FGD4: variants seen among roughly 807,000 people sequenced by gnomAD.
FGD4 encodes FYVE, RhoGEF and PH domain containing 4, also known as FYVE, RhoGEF and PH domain-containing protein 4.
FGD4 carries 42 observed loss-of-function variants against 102.0 expected under a neutral mutation model. The observed-to-expected ratio is 0.41, with a 90% CI of 0.32 to 0.53. The LOEUF (loss-of-function observed/expected upper bound fraction) is 0.53. Ranked by LOEUF, FGD4 falls within the 20% of genes least tolerant of loss-of-function variation. FGD4 has a pLI of 0.21. For missense variants in FGD4, 902 were observed against 1,078.2 expected (o/e 0.84, Z 2.29); for synonymous variants, 380 against 375.7 (o/e 1.01, Z -0.13).
At chr12:32,488,175 G>GAA (rs79163316) in intron 1 of FGD4, among the ~76,000 whole-genome samples, 1 of 135,538 alleles carries the variant, frequency 7.4e-6, no homozygotes, top group Non-Finnish European at 1.6e-5. Flanking sequence ...TCAGCCACAG[G>GAA]AAAAAAAAAA....
intron 5 of FGD4, chr12:32,600,433 G>A: frequency 7.8e-7 from 1 of 1,287,882 alleles, no homozygotes; most frequent in Non-Finnish European, 1.0e-6. Flanking sequence ...GGTGAATTTA[G>A]AAAATTAACA....
chr12:32,552,577 C>T (rs545006949), intron 1 of FGD4, among the ~76,000 whole-genome samples: 31 of 150,988 alleles, frequency 2.1e-4, no homozygotes, highest in African/African-American at 6.6e-4. Flanking sequence ...CCACCACTCT[C>T]GGCTTTAACC....
At position 32,445,292 on chromosome 12, in the gene FGD4, T is replaced by C. The variant is rs966843447; in HGVS notation, c.166+45333T>C. On this transcript the variant is annotated intron_variant, in intron 1 of 16. Transcript: ENST00000534526. Reference sequence around the variant, plus strand: ...TACAATATTCATAATGTGACTGTTTTAAAATAAATTTTTATATGTTTAATA... The same window carrying C: ...TACAATATTCATAATGTGACTGTTTCAAAATAAATTTTTATATGTTTAATA... Among the ~76,000 whole-genome samples the C allele has an allele frequency of 3.3e-5, 5 of 152,252 alleles. No individual in the cohort carries two copies. In the South Asian group the frequency reaches 1.0e-3, roughly 31 times the overall value.
chr12:32,525,897 A>G (rs1015651974), intron 1 of FGD4, among the ~76,000 whole-genome samples: 10 of 152,240 alleles, frequency 6.6e-5, no homozygotes, highest in East Asian at 1.9e-4. Flanking sequence ...ACCGGGCCTT[A>G]GCTGCCTTCC....
chr12:32,610,225 C>G (rs1468772321), intron 8 of FGD4, among the ~76,000 whole-genome samples: 2 of 152,162 alleles, frequency 1.3e-5, no homozygotes, highest in East Asian at 3.8e-4. Flanking sequence ...TATTACTTCC[C>G]CATTTCATTC....
At chr12:32,588,653 G>A (rs1947240789) in intron 4 of FGD4, among the ~76,000 whole-genome samples, 2 of 152,208 alleles carry the variant, frequency 1.3e-5, no homozygotes, top group Non-Finnish European at 2.9e-5. Flanking sequence ...AGAGCATCGG[G>A]CAAAGACTAT....
Position 32,585,222 on chromosome 12 carries a change from TTATATA to T in FGD4, c.1011+2785_1011+2790del, listed in dbSNP as rs140227421. 3.0e-3 allele frequency among the ~76,000 whole-genome samples: 346 copies of T among 116,138 alleles called. 1 individual carries two copies. The highest frequency in any genetic ancestry group is 0.011 in the East Asian group (42 of 3,828). 76.2% of individuals were successfully genotyped at this position (116,138 alleles called of 152,430 possible). ...AGAGTGAGACCCTGTCTCAAAAATT[TTATATA>T]TATATATATATATATATATATATAT... On this transcript the variant is annotated intron_variant, in intron 4 of 16. Coordinates refer to ENST00000534526, the MANE Select transcript of FGD4 (RefSeq NM_001370298.3).
At chr12:32,584,608 A>G (rs1203509353) in intron 4 of FGD4, among the ~76,000 whole-genome samples, 3 of 152,094 alleles carry the variant, frequency 2.0e-5, no homozygotes, top group South Asian at 4.1e-4. Context: ...CCCAAAAAAA[A>G]AGAAAAATCT....
chr12:32,527,797 A>G (rs974856089), intron 1 of FGD4, among the ~76,000 whole-genome samples: 3 of 152,076 alleles, frequency 2.0e-5, no homozygotes, highest in African/African-American at 7.2e-5. Flanking sequence ...AGTATTACCA[A>G]CTGAAATCCT....
chr12:32,626,300 C>T (rs1353847809), intron 14 of FGD4, among the ~76,000 whole-genome samples: 1 of 152,050 alleles, frequency 6.6e-6, no homozygotes, highest in Non-Finnish European at 1.5e-5. Context: ...CAAAATTAGC[C>T]AGGCGTGGCG....
rs147587721 is a variant in FGD4, at chr12:32,498,180, C to A, written c.167-65957C>A. ...ATAACTCCCAAAATATGTGCCTAGGCGCTTTGGGTATCACTGCCAACTCAC... is the reference window on the plus strand; with the variant it reads ...ATAACTCCCAAAATATGTGCCTAGGAGCTTTGGGTATCACTGCCAACTCAC... On this transcript the variant is annotated intron_variant, in intron 1 of 16. Coordinates refer to ENST00000534526, the MANE Select transcript of FGD4 (RefSeq NM_001370298.3). Among the ~76,000 whole-genome samples the A allele has an allele frequency of 3.4e-3, 515 of 152,284 alleles. 3 individuals are homozygous for A. Among genetic ancestry groups the A allele is most frequent in the African/African-American group, 0.012 (494 of 41,542 alleles).
At chr12:32,635,564 C>T (rs1950756010) in intron 15 of FGD4, among the ~76,000 whole-genome samples, 2 of 152,112 alleles carry the variant, frequency 1.3e-5, no homozygotes, top group South Asian at 4.1e-4. Flanking sequence ...CAGTGATCAA[C>T]ACACTTTCCT....
chr12:32,613,581 C>A (rs1182427797), intron 10 of FGD4, among the ~76,000 whole-genome samples: 1 of 152,006 alleles, frequency 6.6e-6, no homozygotes, highest in African/African-American at 2.4e-5. Context: ...ACAGAGACCT[C>A]CCTGTCTCTA....
At chr12:32,505,088 G>C (rs575714240) in intron 1 of FGD4, among the ~76,000 whole-genome samples, 3 of 152,280 alleles carry the variant, frequency 2.0e-5, no homozygotes, top group African/African-American at 7.2e-5. Flanking sequence ...TGAGATGATG[G>C]AATACTAGGG....
At position 32,512,578 on chromosome 12, in the gene FGD4, A is replaced by G. The variant is rs539893576; in HGVS notation, c.167-51559A>G. On this transcript the variant is annotated intron_variant, in intron 1 of 16. Transcript: ENST00000534526. The stretch of plus-strand genomic sequence containing the variant: ...CAGGTTTTGTCACTGCCACCTTGTC[A>G]CAGAAAATTGTCAGGGTAGTGGTTT... 2.6e-5 allele frequency among the ~76,000 whole-genome samples: 4 copies of G among 152,100 alleles called. No homozygotes were observed. In the South Asian group the frequency reaches 8.3e-4, roughly 31 times the overall value.
intron 1 of FGD4, among the ~76,000 whole-genome samples, chr12:32,456,258 T>TAATCACATG (rs1942946200): frequency 6.6e-6 from 1 of 152,170 alleles, no homozygotes. Flanking sequence ...TAGTGTATAC[T>TAATCACATG]TTTGCTATGT....
rs571141498 is a variant in FGD4 at position 32,410,327 on chromosome 12, CA to C, written c.166+10381del. Among the ~76,000 whole-genome samples, 780 of 137,804 alleles carry C rather than the reference CA, an allele frequency of 5.7e-3. 4 individuals carry two copies. Among genetic ancestry groups the C allele is most frequent in the African/African-American group, 0.014 (529 of 37,264 alleles). 90.4% of individuals were successfully genotyped at this position (137,804 alleles called of 152,430 possible). On this transcript the variant is annotated intron_variant, in intron 1 of 16. Coordinates refer to ENST00000534526, the MANE Select transcript of FGD4 (RefSeq NM_001370298.3). ...TGGGCGACACAGCGAGATTCCGTCT[CA>C]AAAAAAAAAAAATTGCCAGTATGGC...
At chr12:32,465,698 A>C (rs910467938) in intron 1 of FGD4, among the ~76,000 whole-genome samples, 15 of 152,048 alleles carry the variant, frequency 9.9e-5, no homozygotes, top group Non-Finnish European at 1.5e-5. Context: ...AAGACCCTCC[A>C]TTAGCAGAAA....
In FGD4 at chr12:32,640,464, AGG is replaced by A. The variant is rs774755428; in HGVS notation, c.2644_2645del (p.Gly882TrpfsTer4). On this transcript the variant is annotated frameshift_variant, in exon 17 of 17. Coordinates refer to ENST00000534526, the MANE Select transcript of FGD4 (RefSeq NM_001370298.3). LOFTEE classifies it high-confidence loss of function. ...ILLAVTGETP[G>X]GPNEHPATLD... ...TTTTAGCTGTCACAGGTGAGACACCAGGTGGTCCAAATGAGCATCCAGCCACC... is the reference window on the plus strand; with the variant it reads ...TTTTAGCTGTCACAGGTGAGACACCATGGTCCAAATGAGCATCCAGCCACC... 6.2e-7 allele frequency: 1 copy of A among 1,614,172 alleles called. No individual in the cohort carries two copies. The highest frequency in any genetic ancestry group is 1.1e-5 in the South Asian group (1 of 91,080).
Sources: allele counts gnomAD v4.1 joint callset (sites outside exome capture counted in the v4.1 genomes callset), GRCh38; gene constraint gnomAD v4.1.1; transcripts MANE v1.5; gene names NCBI Gene and HGNC (gene_info 2026-07-23, HGNC 2026-07-21).